The following THRB variants were observed in gnomAD, a reference collection of about 807,000 sequenced individuals.
THRB encodes the protein nuclear receptor subfamily 1 group A member 2.
Under a neutral mutation model 47.8 loss-of-function variants are expected in THRB, and 12 were observed. The observed-to-expected ratio is 0.25, with a 90% confidence interval of 0.16 to 0.41. The LOEUF (loss-of-function observed/expected upper bound fraction) is 0.41, where lower values mean the gene tolerates loss of function less well. Ranked by LOEUF, THRB falls within the 10% of genes least tolerant of loss-of-function variation. THRB has a pLI of 1.00. For synonymous variants in THRB, 218 were observed against 212.2 expected (o/e 1.03, Z -0.24); for missense variants, 348 against 589.2 (o/e 0.59, Z 4.24).
rs375125218 is a variant in THRB, at chr3:24,348,390, C to A, written c.-260-11019G>T. ...AGTGTAATAAGGCTGGTCCCTGCCA[C>A]AAGTCCCCCTTCTTTCCTTCCCCTG... On this transcript the variant is annotated intron_variant, in intron 1 of 10. Transcript: ENST00000646209. Among the ~76,000 whole-genome samples, 22 of 152,230 alleles carry A rather than the reference C, an allele frequency of 1.4e-4. No individual in the cohort carries two copies. The East Asian group carries it at 1.9e-3, about 13-fold the overall frequency.
In THRB at chr3:24,189,940, A is replaced by C; in HGVS notation, c.283+134T>G. 5 of 832,970 alleles carry C rather than the reference A, an allele frequency of 6.0e-6. No individual in the cohort carries two copies. In the Middle Eastern group the frequency reaches 7.3e-4, roughly 121 times the overall value. 51.6% of individuals were successfully genotyped at this position (832,970 alleles called of 1,614,324 possible). A position where few individuals can be genotyped will look rare whatever the true frequency, so the allele number is the denominator to read the frequency against. Reference sequence around the variant, plus strand: ...AGAATATTTGAAGAAAAGGACGCCTAGTAAAAGAACAGTTGGAGAAAACAT... The same window carrying C: ...AGAATATTTGAAGAAAAGGACGCCTCGTAAAAGAACAGTTGGAGAAAACAT... On this transcript the variant is annotated intron_variant, in intron 5 of 10. Transcript: ENST00000646209.
chr3:24,441,657 A>T (rs2071535801), intron 1 of THRB, among the ~76,000 whole-genome samples: 1 of 152,010 alleles, frequency 6.6e-6, no homozygotes, highest in African/African-American at 2.4e-5. Flanking sequence ...TTCTGTTTAT[A>T]GTTTACCCAT....
At chr3:24,358,891 C>T (rs527862532) in intron 1 of THRB, among the ~76,000 whole-genome samples, 43 of 152,236 alleles carry the variant, frequency 2.8e-4, no homozygotes, top group Non-Finnish European at 2.6e-4. Context: ...AATAAAAGAA[C>T]TTAGCTCTCT....
At chr3:24,392,484 A>G (rs1276090846) in intron 1 of THRB, among the ~76,000 whole-genome samples, 1 of 152,124 alleles carries the variant, frequency 6.6e-6, no homozygotes, top group Non-Finnish European at 1.5e-5. Flanking sequence ...TTCCTTCTAT[A>G]TAACTGTATT....
At chr3:24,181,685 C>T (rs1317727085) in intron 5 of THRB, among the ~76,000 whole-genome samples, 1 of 152,096 alleles carries the variant, frequency 6.6e-6, no homozygotes, top group Non-Finnish European at 1.5e-5. Context: ...TGACAAGCTG[C>T]ACAGTATTAC....
At chr3:24,312,736 C>A (rs2057839509) in intron 2 of THRB, among the ~76,000 whole-genome samples, 1 of 152,190 alleles carries the variant, frequency 6.6e-6, no homozygotes, top group Admixed American at 6.5e-5. Flanking sequence ...GGGGTGAGAT[C>A]TGTGAGTCTG....
intron 2 of THRB, among the ~76,000 whole-genome samples, chr3:24,336,736 T>C (rs969332114): frequency 1.8e-4 from 28 of 151,634 alleles, no homozygotes; most frequent in Non-Finnish European, 3.4e-4. Flanking sequence ...TTTTTTTTTT[T>C]TTTGAGATGG....
rs902574769 is a variant in THRB at position 24,121,327 on chromosome 3, G to C, written c.*1557C>G. Reference sequence around the variant, plus strand: ...CCAAACTTACAAAAAGCATCTACTTGGTTTCCATAGTGACTTTCCTTCCTT... The same window carrying C: ...CCAAACTTACAAAAAGCATCTACTTCGTTTCCATAGTGACTTTCCTTCCTT... On this transcript the variant is annotated 3_prime_UTR_variant, in exon 11 of 11. Coordinates refer to ENST00000646209, the MANE Select transcript of THRB (RefSeq NM_001354712.2). The C allele has an allele frequency of 6.6e-6, 1 of 152,584 alleles. No individual in the cohort carries two copies. The highest frequency in any genetic ancestry group is 1.5e-5 in the Non-Finnish European group (1 of 68,042). 9.5% of individuals were successfully genotyped at this position (152,584 alleles called of 1,614,324 possible).
intron 4 of THRB, among the ~76,000 whole-genome samples, chr3:24,203,584 G>A (rs913448423): frequency 7.9e-5 from 12 of 152,254 alleles, no homozygotes; most frequent in East Asian, 3.9e-4. Context: ...CATGAGCGAC[G>A]CAGAAGATGG....
chr3:24,257,291 C>A (rs1310523558), intron 3 of THRB, among the ~76,000 whole-genome samples: 1 of 151,514 alleles, frequency 6.6e-6, no homozygotes, highest in Non-Finnish European at 1.5e-5. Flanking sequence ...TTTTTTGATA[C>A]CTTTTCATTA....
At chr3:24,176,891 T>C (rs1343955771) in intron 5 of THRB, among the ~76,000 whole-genome samples, 1 of 152,164 alleles carries the variant, frequency 6.6e-6, no homozygotes, top group East Asian at 1.9e-4. Flanking sequence ...TCTGTAAATA[T>C]ACTAACAATC....
rs1228356689 is a variant in THRB, at chr3:24,122,985, G to T, written c.1285C>A (p.Arg429=). 7 of 1,614,156 alleles carry T rather than the reference G, an allele frequency of 4.3e-6. No individual in the cohort carries two copies. Among genetic ancestry groups the T allele is most frequent in the Non-Finnish European group, 5.9e-6 (7 of 1,180,028 alleles). The change falls in exon 11 of 11, where the codon CGG becomes AGG. Residue 429 remains arginine, a synonymous_variant. Transcript: ENST00000646209. ...CTGGCATGGCAGGCTCCTATCATCC[G>T]CAGATCTGTCACCTTCATCAGGAGT... ...PKLLMKVTDL[R]MIGACHASRF...
chr3:24,158,498 G>A (rs914401616), intron 5 of THRB, among the ~76,000 whole-genome samples: 1 of 151,432 alleles, frequency 6.6e-6, no homozygotes, highest in Non-Finnish European at 1.5e-5. Flanking sequence ...GCACGATCTC[G>A]GCTCGCTGCA....
chr3:24,321,597 C>T (rs1471856127), intron 2 of THRB, among the ~76,000 whole-genome samples: 1 of 151,664 alleles, frequency 6.6e-6, no homozygotes, highest in African/African-American at 2.4e-5. Flanking sequence ...TTCATAAATT[C>T]CTTGAAAATT....
chr3:24,380,932 T>C (rs547961022), intron 1 of THRB, among the ~76,000 whole-genome samples: 141 of 152,164 alleles, frequency 9.3e-4, no homozygotes, highest in African/African-American at 3.4e-3. Context: ...CTGGACAACA[T>C]GGTGAAACCC....
intron 1 of THRB, among the ~76,000 whole-genome samples, chr3:24,454,261 T>C (rs1349554569): frequency 6.6e-6 from 1 of 152,164 alleles, no homozygotes; most frequent in Non-Finnish European, 1.5e-5. Context: ...TCACAAAAAG[T>C]CAAACATATT....
intron 3 of THRB, among the ~76,000 whole-genome samples, chr3:24,270,962 C>T (rs1361287856): frequency 1.3e-5 from 2 of 152,150 alleles, no homozygotes; most frequent in Admixed American, 1.3e-4. Flanking sequence ...AAAGGCTCCC[C>T]CCCTTTCCAA....
At chr3:24,354,261 A>G (rs563484809) in intron 1 of THRB, among the ~76,000 whole-genome samples, 1 of 152,298 alleles carries the variant, frequency 6.6e-6, no homozygotes, top group South Asian at 2.1e-4. Flanking sequence ...CAGAAAAAAT[A>G]ACTAATGAGT....
intron 4 of THRB, among the ~76,000 whole-genome samples, chr3:24,204,006 G>T (rs192709733): frequency 7.2e-5 from 11 of 152,374 alleles, no homozygotes; most frequent in African/African-American, 2.6e-4. Flanking sequence ...CAAAGCAGCC[G>T]GGAAGCTCGA....
Sources: allele counts gnomAD v4.1 joint callset (sites outside exome capture counted in the v4.1 genomes callset), GRCh38; gene constraint gnomAD v4.1.1; transcripts MANE v1.5; gene names NCBI Gene and HGNC (gene_info 2026-07-23, HGNC 2026-07-21).